ACKR2: variants seen among roughly 807,000 people sequenced by gnomAD.
ACKR2 encodes atypical chemokine receptor 2.
For synonymous variants in ACKR2, 207 were observed against 192.2 expected, an observed-to-expected ratio of 1.08 and a Z score of -0.64; for missense variants, 457 against 477.3, an observed-to-expected ratio of 0.96 and a Z score of 0.40.
chr3:42,863,702 C>T lies in ACKR2; in HGVS notation c.-37-764C>T, dbSNP rs553382071. Among the ~76,000 whole-genome samples, 31 of 152,272 alleles carry T rather than the reference C, an allele frequency of 2.0e-4. No homozygotes were observed. The East Asian group carries it at 5.0e-3, about 25-fold the overall frequency. Reference sequence around the variant, plus strand: ...GCCATAAAATGGATGAGTTCATGTCCTTTGCAGGGACATGGATGAAGCTGG... The same window carrying T: ...GCCATAAAATGGATGAGTTCATGTCTTTTGCAGGGACATGGATGAAGCTGG... On this transcript the variant is annotated intron_variant, in intron 2 of 2. Coordinates refer to ENST00000422265, the MANE Select transcript of ACKR2 (RefSeq NM_001296.5).
chr3:42,836,391 A>G (rs1045782038), intron 2 of ACKR2, among the ~76,000 whole-genome samples: 3 of 152,194 alleles, frequency 2.0e-5, no homozygotes, highest in African/African-American at 4.8e-5. Context: ...TCCAACCCCA[A>G]GAGGTTTCTT....
chr3:42,813,303 T>C (rs1364376956), intron 1 of ACKR2, among the ~76,000 whole-genome samples: 1 of 152,200 alleles, frequency 6.6e-6, no homozygotes, highest in Non-Finnish European at 1.5e-5. Flanking sequence ...TTGCCCTACA[T>C]AATCTATTCT....
At chr3:42,838,696 C>A (rs1358693273) in intron 2 of ACKR2, among the ~76,000 whole-genome samples, 1 of 152,172 alleles carries the variant, frequency 6.6e-6, no homozygotes, top group East Asian at 1.9e-4. Flanking sequence ...CACTCTATTC[C>A]TAAGTATTTA....
chr3:42,855,461 T>A (rs542617203), intron 2 of ACKR2, among the ~76,000 whole-genome samples: 2 of 152,034 alleles, frequency 1.3e-5, no homozygotes, highest in Non-Finnish European at 2.9e-5. Context: ...TTGATGAAAG[T>A]GATAGGAGGG....
intron 2 of ACKR2, among the ~76,000 whole-genome samples, chr3:42,848,390 G>T (rs770011947): frequency 6.6e-6 from 1 of 151,572 alleles, no homozygotes; most frequent in Non-Finnish European, 1.5e-5. Context: ...GCTAATTTTT[G>T]TGTTTTTTGC....
chr3:42,856,950 A>C (rs536529436), intron 2 of ACKR2, among the ~76,000 whole-genome samples: 1 of 107,464 alleles, frequency 9.3e-6, no homozygotes, highest in African/African-American at 2.6e-5. Context: ...TACTTGTATC[A>C]CTGGTTTATG....
Position 42,849,318 on chromosome 3 carries a change from A to G in ACKR2, c.-37-15148A>G, listed in dbSNP as rs532440524. Among the ~76,000 whole-genome samples the G allele has an allele frequency of 6.6e-5, 10 of 152,230 alleles. No individual in the cohort carries two copies. In the South Asian group the frequency reaches 1.5e-3, roughly 22 times the overall value. On this transcript the variant is annotated intron_variant, in intron 2 of 2. Coordinates refer to ENST00000422265, the MANE Select transcript of ACKR2 (RefSeq NM_001296.5). ...GGAGTGGGAGACCAGCTTGACCAAC[A>G]TGGTGAAACCTTGCCTCTATTAAAA...
chr3:42,814,157 T>C (rs1700725350), intron 1 of ACKR2, among the ~76,000 whole-genome samples: 1 of 152,252 alleles, frequency 6.6e-6, no homozygotes, highest in Non-Finnish European at 1.5e-5. Context: ...TCTGCTACAC[T>C]TTATACCATA....
chr3:42,864,780 T>C lies in ACKR2; in HGVS notation c.278T>C (p.Leu93Pro). Residue 93 changes from leucine (L) to proline (P), a missense_variant, in exon 3 of 3, where the codon CTT becomes CCT. Transcript: ENST00000422265. Reference protein sequence around the residue: ...IYLLNLAISNLLFLVTLPFWG... With the variant: ...IYLLNLAISNPLFLVTLPFWG... ...CTGCTGAATCTGGCCATCTCCAACCTTCTGTTTCTGGTGACACTGCCCTTC... is the reference window on the plus strand; with the variant it reads ...CTGCTGAATCTGGCCATCTCCAACCCTCTGTTTCTGGTGACACTGCCCTTC... 1 of 1,614,246 alleles carries C rather than the reference T, an allele frequency of 6.2e-7. No individual in the cohort carries two copies. The highest frequency in any genetic ancestry group is 8.5e-7 in the Non-Finnish European group (1 of 1,180,048).
intron 2 of ACKR2, among the ~76,000 whole-genome samples, chr3:42,845,998 G>T (rs551159942): frequency 1.8e-4 from 27 of 152,084 alleles, no homozygotes; most frequent in African/African-American, 6.3e-4. Context: ...GAGGCTGAGG[G>T]TGGGGGTGGA....
At chr3:42,858,928 G>T (rs1354220633) in intron 2 of ACKR2, among the ~76,000 whole-genome samples, 2 of 151,840 alleles carry the variant, frequency 1.3e-5, no homozygotes, top group Non-Finnish European at 2.9e-5. Flanking sequence ...GGATATCAGA[G>T]ATTGAAGATC....
Position 42,864,455 on chromosome 3 carries a change from T to TC in ACKR2, c.-37-5dup, listed in dbSNP as rs1389241160. 5 of 1,537,534 alleles carry TC rather than the reference T, an allele frequency of 3.3e-6. No individual in the cohort carries two copies. The highest frequency in any genetic ancestry group is 2.8e-5 in the African/African-American group (2 of 72,438). ...GAGAATGCTAGGTCTCACCATATTTTCCCCCCGCAGCACTACAGGACGTCG... is the reference window on the plus strand; with the variant it reads ...GAGAATGCTAGGTCTCACCATATTTTCCCCCCCGCAGCACTACAGGACGTCG... On this transcript the variant is annotated splice_polypyrimidine_tract_variant and intron_variant, in intron 2 of 2. Transcript: ENST00000422265.
At chr3:42,836,465 A>G (rs1055629383) in intron 2 of ACKR2, among the ~76,000 whole-genome samples, 1 of 152,164 alleles carries the variant, frequency 6.6e-6, no homozygotes, top group Non-Finnish European at 1.5e-5. Context: ...TGCAGCCCAG[A>G]CCACCCTAGA....
intron 2 of ACKR2, among the ~76,000 whole-genome samples, chr3:42,863,026 A>G (rs1265252790): frequency 1.3e-5 from 2 of 152,260 alleles, no homozygotes; most frequent in Non-Finnish European, 2.9e-5. Flanking sequence ...ATTAAACTAA[A>G]GAGCTTCTGC....
rs780651266 is a variant in ACKR2, at chr3:42,864,458, C to T, written c.-37-8C>T. 4.9e-5 allele frequency: 75 copies of T among 1,538,468 alleles called. No individual in the cohort carries two copies. The South Asian group carries it at 8.1e-4, about 17-fold the overall frequency. On this transcript the variant is annotated splice_polypyrimidine_tract_variant and splice_region_variant and intron_variant, in intron 2 of 2. Coordinates refer to ENST00000422265, the MANE Select transcript of ACKR2 (RefSeq NM_001296.5). Reference sequence around the variant, plus strand: ...AATGCTAGGTCTCACCATATTTTCCCCCCGCAGCACTACAGGACGTCGGGA... The same window carrying T: ...AATGCTAGGTCTCACCATATTTTCCTCCCGCAGCACTACAGGACGTCGGGA...
At chr3:42,813,274 C>T (rs1473033726) in intron 1 of ACKR2, among the ~76,000 whole-genome samples, 2 of 152,058 alleles carry the variant, frequency 1.3e-5, no homozygotes, top group East Asian at 3.8e-4. Flanking sequence ...CTAATATTAA[C>T]TTAAAATCTT....
intron 2 of ACKR2, among the ~76,000 whole-genome samples, chr3:42,837,364 A>G (rs1304705409): frequency 6.6e-6 from 1 of 152,114 alleles, no homozygotes; most frequent in Non-Finnish European, 1.5e-5. Context: ...CTACAGGTGC[A>G]TGCCACCATG....
intron 2 of ACKR2, among the ~76,000 whole-genome samples, chr3:42,828,708 C>T (rs1700898123): frequency 6.6e-6 from 1 of 152,130 alleles, no homozygotes; most frequent in Non-Finnish European, 1.5e-5. Context: ...AGGACAAAGA[C>T]TGATGATTTG....
In ACKR2 at chr3:42,852,190, T is replaced by C. The variant is rs550245714; in HGVS notation, c.-37-12276T>C. Among the ~76,000 whole-genome samples, 1 of 152,216 alleles carries C rather than the reference T, an allele frequency of 6.6e-6. No homozygotes were observed. Among genetic ancestry groups the C allele is most frequent in the African/African-American group, 2.4e-5 (1 of 41,454 alleles). ...GTGAGTTAAGCTATATTCTGTCTGTTCTACCCTGCCTATTCTGTCTATTCT... is the reference window on the plus strand; with the variant it reads ...GTGAGTTAAGCTATATTCTGTCTGTCCTACCCTGCCTATTCTGTCTATTCT... On this transcript the variant is annotated intron_variant, in intron 2 of 2. Coordinates refer to ENST00000422265, the MANE Select transcript of ACKR2 (RefSeq NM_001296.5). The surrounding 1 kb of genome is among the most constrained non-coding windows in gnomAD (Gnocchi z 4.3).
Sources: gnomAD v4.1 joint callset for allele counts (sites outside exome capture counted in the v4.1 genomes callset) on GRCh38, gnomAD v4.1.1 for gene constraint, Gnocchi (gnomAD v3.1) non-coding constraint, MANE v1.5 for transcripts, NCBI Gene and HGNC (gene_info 2026-07-23, HGNC 2026-07-21) for gene names.